The following INTS6 variants were observed in gnomAD, a reference collection of about 807,000 sequenced individuals.
The protein encoded by INTS6 is integrator complex subunit 6, also known as DEAD box protein.
Under a neutral mutation model 104.9 loss-of-function variants are expected in INTS6, and 16 were observed. That is an observed-to-expected ratio of 0.15 (90% CI 0.10 to 0.23). The LOEUF (loss-of-function observed/expected upper bound fraction) is 0.23, where lower values mean the gene tolerates loss of function less well. Among genes scored for constraint, INTS6 ranks in the 10% least tolerant of loss-of-function variants. INTS6 has a pLI of 1.00. For synonymous variants in INTS6, 324 were observed against 358.7 expected, an observed-to-expected ratio of 0.90 and a Z score of 1.09; for missense variants, 584 against 1,062.8, an observed-to-expected ratio of 0.55 and a Z score of 6.26.
intron 3 of INTS6, chr13:51,442,803 C>T (rs1160972309): frequency 6.6e-6 from 1 of 152,248 alleles, no homozygotes; most frequent in Non-Finnish European, 1.5e-5. Flanking sequence ...TCCCAACCAC[C>T]TCTACCAATC....
chr13:51,443,176 A>C (rs1372309140), intron 3 of INTS6: 1 of 152,348 alleles, frequency 6.6e-6, no homozygotes, highest in South Asian at 2.1e-4. Context: ...ATTTTTAAAA[A>C]TATTTCATAA....
chr13:51,406,484 AC>A (rs1368511851), intron 4 of INTS6, among the ~76,000 whole-genome samples: 1 of 151,972 alleles, frequency 6.6e-6, no homozygotes, highest in Non-Finnish European at 1.5e-5. Context: ...TACACCCCCA[AC>A]TGCATTATAT....
chr13:51,409,212 G>A (rs943858953), intron 4 of INTS6, among the ~76,000 whole-genome samples: 2 of 150,352 alleles, frequency 1.3e-5, no homozygotes, highest in Non-Finnish European at 3.0e-5. Flanking sequence ...GTAGTGAGCC[G>A]AGATTGCACC....
Position 51,452,993 on chromosome 13 carries a change from C to A in INTS6, c.-468G>T, listed in dbSNP as rs995001049. 8.0e-6 allele frequency: 8 copies of A among 1,003,572 alleles called. No individual in the cohort carries two copies. The highest frequency in any genetic ancestry group is 9.5e-6 in the Non-Finnish European group (8 of 840,930). 62.2% of individuals were successfully genotyped at this position (1,003,572 alleles called of 1,614,324 possible). Reference sequence around the variant, plus strand: ...GAAGTTTCAGGGACTCCCTCCGCACCCCGGCGGTGTCACCACTTTCTCAGC... The same window carrying A: ...GAAGTTTCAGGGACTCCCTCCGCACACCGGCGGTGTCACCACTTTCTCAGC... On this transcript the variant is annotated 5_prime_UTR_variant, in exon 1 of 18. Coordinates refer to ENST00000311234, the MANE Select transcript of INTS6 (RefSeq NM_012141.3). The surrounding 1 kb of genome is among the most constrained non-coding windows in gnomAD (Gnocchi z 4.2).
At chr13:51,446,489 A>T (rs1270883241) in intron 3 of INTS6, 1 of 152,240 alleles carries the variant, frequency 6.6e-6, no homozygotes, top group Non-Finnish European at 1.5e-5. Context: ...TATGAAAAAC[A>T]GTATGGTACT....
intron 4 of INTS6, among the ~76,000 whole-genome samples, chr13:51,409,520 TTTTA>T (rs1359661493): frequency 2.0e-5 from 3 of 151,894 alleles, no homozygotes; most frequent in Non-Finnish European, 2.9e-5. Context: ...GCTTTGATAG[TTTTA>T]TTTGTTTTCT....
the INTS6 span, among the ~76,000 whole-genome samples, chr13:51,345,895 G>A: frequency 6.6e-6 from 1 of 152,236 alleles, no homozygotes; most frequent in Non-Finnish European, 1.5e-5. Context: ...AGAGCACAGA[G>A]TCCAGAGCCA....
chr13:51,361,308 T>A, downstream of INTS6: 2 of 1,610,200 alleles, frequency 1.2e-6, no homozygotes, highest in South Asian at 2.2e-5. Context: ...TCTGAAGCAA[T>A]CCACAAGGCC....
intron 4 of INTS6, among the ~76,000 whole-genome samples, chr13:51,405,124 G>A (rs938832366): frequency 1.3e-5 from 2 of 152,210 alleles, no homozygotes; most frequent in Admixed American, 6.5e-5. Flanking sequence ...CCTCATGCAA[G>A]TTAGGGAGTA....
At chr13:51,411,351 C>A (rs767840032) in intron 4 of INTS6, among the ~76,000 whole-genome samples, 1 of 151,138 alleles carries the variant, frequency 6.6e-6, no homozygotes, top group Non-Finnish European at 1.5e-5. Context: ...GTCAGGAGTT[C>A]GAGACCAGCC....
chr13:51,400,232 G>T (rs114304543), intron 4 of INTS6, among the ~76,000 whole-genome samples: 2,351 of 152,324 alleles, frequency 0.015, 56 homozygotes, highest in African/African-American at 0.054. Context: ...AGTCCCTGGT[G>T]CCAAAAAGGT....
In INTS6 at chr13:51,419,356, G is replaced by A. The variant is rs1184312342; in HGVS notation, c.429+10938C>T. On this transcript the variant is annotated intron_variant, in intron 4 of 17. Coordinates refer to ENST00000311234, the MANE Select transcript of INTS6 (RefSeq NM_012141.3). ...TTTCATCAATCTGTAAGACAAAGTC[G>A]AAACTCCTTGGCAGAGAATATAGGA... Among the ~76,000 whole-genome samples, 9 of 152,242 alleles carry A rather than the reference G, an allele frequency of 5.9e-5. No homozygotes were observed. In the South Asian group the frequency reaches 8.3e-4, roughly 14 times the overall value.
At chr13:51,375,933 A>G in intron 13 of INTS6, 115 bp downstream of exon 13, 1 of 778,218 alleles carries the variant, frequency 1.3e-6, no homozygotes, top group Non-Finnish European at 1.9e-6. Context: ...TTGAACTTAC[A>G]ATAAGAATGT....
intron 4 of INTS6, among the ~76,000 whole-genome samples, chr13:51,405,268 A>C (rs1376970034): frequency 6.6e-6 from 1 of 152,160 alleles, no homozygotes; most frequent in African/African-American, 2.4e-5. Context: ...ATTTTTAAGA[A>C]AGCCTTTAAT....
chr13:51,383,806 C>G, intron 7 of INTS6, 65 bp from the exon 8 acceptor site: 1 of 1,377,528 alleles, frequency 7.3e-7, no homozygotes, highest in Non-Finnish European at 9.9e-7. Flanking sequence ...AAATATTCCT[C>G]ATTATCAAAA....
chr13:51,383,805 T>C, intron 7 of INTS6, 64 bp from the exon 8 acceptor site: 1 of 1,382,672 alleles, frequency 7.2e-7, no homozygotes, highest in Non-Finnish European at 9.9e-7. Context: ...TAAATATTCC[T>C]CATTATCAAA....
chr13:51,429,804 A>ATATATATATATATG (rs1566243983), intron 4 of INTS6, among the ~76,000 whole-genome samples: 1 of 133,192 alleles, frequency 7.5e-6, no homozygotes. Context: ...ATATATATAT[A>ATATATATATATATG]TATATGTATA....
At chr13:51,384,939 G>A in intron 7 of INTS6, 1 of 271,690 alleles carries the variant, frequency 3.7e-6, no homozygotes, top group South Asian at 3.7e-5. Flanking sequence ...TCAATCCATG[G>A]CAGTGAAATA....
At chr13:51,378,603 G>A (rs915065095) in intron 11 of INTS6, 149 bp from the exon 12 acceptor site, 1 of 412,892 alleles carries the variant, frequency 2.4e-6, no homozygotes, top group Non-Finnish European at 4.1e-6. Context: ...GTCAAGTATT[G>A]GGTAAATTAA....
Sources: allele counts gnomAD v4.1 joint callset (sites outside exome capture counted in the v4.1 genomes callset), GRCh38; gene constraint gnomAD v4.1.1; non-coding constraint Gnocchi (gnomAD v3.1); transcripts MANE v1.5; gene names NCBI Gene and HGNC (gene_info 2026-07-23, HGNC 2026-07-21).